PRDM7: variants seen among roughly 807,000 people sequenced by gnomAD.
The protein encoded by PRDM7 is PR/SET domain 7.
In PRDM7, 52 loss-of-function variants were observed where a neutral mutation model predicts 64.3. The observed-to-expected ratio is 0.81, with a 90% CI of 0.65 to 1.02. The LOEUF (loss-of-function observed/expected upper bound fraction) is 1.02. Ranked by LOEUF, PRDM7 falls within the 50% of genes least tolerant of loss-of-function variation. PRDM7 has a pLI of 0.00. For synonymous variants in PRDM7, 192 were observed against 210.1 expected (o/e 0.91, Z 0.74); for missense variants, 574 against 597.1 (o/e 0.96, Z 0.40).
chr16:90,073,005 T>G (rs1287638502), intron 4 of PRDM7, among the ~76,000 whole-genome samples: 5 of 152,130 alleles, frequency 3.3e-5, no homozygotes, highest in Non-Finnish European at 7.3e-5. Flanking sequence ...ACTTCTAAAC[T>G]CTCCTAACCA....
chr16:90,071,356 C>G (rs1271706442), intron 4 of PRDM7, among the ~76,000 whole-genome samples: 1 of 152,206 alleles, frequency 6.6e-6, no homozygotes, highest in Non-Finnish European at 1.5e-5. Flanking sequence ...GTCTCGAACT[C>G]CTGACCTTGT....
intron 1 of PRDM7, among the ~76,000 whole-genome samples, chr16:90,077,016 G>A (rs1479739625): frequency 1.3e-5 from 2 of 151,986 alleles, no homozygotes; most frequent in African/African-American, 4.8e-5. Context: ...GGGGATCTAA[G>A]CATTAGGAGA....
Position 90,062,411 on chromosome 16 carries a change from A to G in PRDM7, c.600T>C (p.Asp200=). 1 of 1,614,122 alleles carries G rather than the reference A, an allele frequency of 6.2e-7. No homozygotes were observed. The highest frequency in any genetic ancestry group is 8.5e-7 in the Non-Finnish European group (1 of 1,179,946). ...AYKEISEPQD[D]DYLYCEMCQN... ...GAAAGGGTCACTCACAGAGGTAGTC[A>G]TCATCCTGTGGCTCGCTGATCTCTT... The change falls in exon 7 of 11, where the codon GAT becomes GAC. Residue 200 remains aspartate, a synonymous_variant. Coordinates refer to ENST00000449207, the MANE Select transcript of PRDM7 (RefSeq NM_001098173.2).
chr16:90,057,866 T>G lies in PRDM7; in HGVS notation c.*423A>C, dbSNP rs1202602699. 6.6e-7 allele frequency: 1 copy of G among 1,509,302 alleles called. No individual in the cohort carries two copies. The highest frequency in any genetic ancestry group is 9.0e-7 in the Non-Finnish European group (1 of 1,107,882). The allele number at this position is 1,509,302 out of a possible 1,614,324, so 93.5% of individuals were successfully genotyped here. A position where few individuals can be genotyped will look rare whatever the true frequency, so the allele number is the denominator to read the frequency against. ...CTCATCCTTCCTGCAGACTGGGGCG[T>G]CTCCCCTGTGTGTCCTCTGGTGAAT... On this transcript the variant is annotated 3_prime_UTR_variant, in exon 11 of 11. Coordinates refer to ENST00000449207, the MANE Select transcript of PRDM7 (RefSeq NM_001098173.2).
At chr16:90,068,964 GTCTA>G (rs1240599790) in intron 4 of PRDM7, among the ~76,000 whole-genome samples, 1 of 151,212 alleles carries the variant, frequency 6.6e-6, no homozygotes, top group Admixed American at 6.6e-5. Flanking sequence ...TCAATGTCCT[GTCTA>G]TCAAAATGCC....
At position 90,067,374 on chromosome 16, in the gene PRDM7, C is replaced by G. The variant is rs550845267; in HGVS notation, c.302-464G>C. Among the ~76,000 whole-genome samples the G allele has an allele frequency of 4.3e-3, 651 of 151,130 alleles. 7 individuals carry two copies. Among genetic ancestry groups the G allele is most frequent in the Non-Finnish European group, 6.3e-3 (429 of 67,952 alleles). On this transcript the variant is annotated intron_variant, in intron 4 of 10. Coordinates refer to ENST00000449207, the MANE Select transcript of PRDM7 (RefSeq NM_001098173.2). ...ATGTTTTCTGAAGTATCATTAAGGC[C>G]TATGCTTCTATTGGGGGCATTGCTA... is the stretch of plus-strand genomic sequence containing the variant.
At chr16:90,065,525 A>G (rs1402548924) in intron 5 of PRDM7, among the ~76,000 whole-genome samples, 1 of 151,128 alleles carries the variant, frequency 6.6e-6, no homozygotes, top group East Asian at 1.9e-4. Flanking sequence ...GCTTGAGCCC[A>G]GGAGTTCAAG....
Position 90,062,008 on chromosome 16 carries a change from A to C in PRDM7, c.795T>G (p.Ser265=), listed in dbSNP as rs2037787005. The change falls in exon 8 of 11, where the codon TCT becomes TCG. Residue 265 remains serine (S), a synonymous_variant. Transcript: ENST00000449207. ...CAAAGTGCAGACCCAGTGGCAGATCAGATGCCTCGTTCCATACTCCAAGCC... is the reference window on the plus strand; with the variant it reads ...CAAAGTGCAGACCCAGTGGCAGATCCGATGCCTCGTTCCATACTCCAAGCC... ...QAGLGVWNEA[S]DLPLGLHFGP... is the part of the protein sequence containing the mutation. The C allele has an allele frequency of 1.2e-6, 2 of 1,614,142 alleles. No homozygotes were observed. Among genetic ancestry groups the C allele is most frequent in the Admixed American group, 3.3e-5 (2 of 60,010 alleles).
intron 4 of PRDM7, among the ~76,000 whole-genome samples, chr16:90,071,813 A>G (rs545153763): frequency 2.0e-4 from 30 of 152,374 alleles, no homozygotes; most frequent in Admixed American, 8.5e-4. Flanking sequence ...GACACTGTAA[A>G]AAAACAGTAT....
intron 4 of PRDM7, among the ~76,000 whole-genome samples, chr16:90,069,208 T>G (rs1233216194): frequency 6.6e-6 from 1 of 151,196 alleles, no homozygotes; most frequent in Non-Finnish European, 1.5e-5. Flanking sequence ...TAAACCCTCG[T>G]GTATATGGTC....
In PRDM7 at chr16:90,062,097, TG is replaced by T; in HGVS notation, c.705del (p.Asn236ThrfsTer11). 6.2e-7 allele frequency: 1 copy of T among 1,614,232 alleles called. No individual in the cohort carries two copies. Among genetic ancestry groups the T allele is most frequent in the Non-Finnish European group, 8.5e-7 (1 of 1,180,038 alleles). The stretch of plus-strand genomic sequence containing the variant: ...GGGGGCAGACTGAGGGCTGAACGGT[TG>T]GGATGCCCCTTGTCCACTGCACTGT... ...VKDSAVDKGH[P>X]NRSALSLPPG... On this transcript the variant is annotated frameshift_variant, in exon 8 of 11. Transcript: ENST00000449207. LOFTEE classifies it high-confidence loss of function.
rs570561712 is a variant in PRDM7, at chr16:90,067,889, C to T, written c.302-979G>A. Among the ~76,000 whole-genome samples, 12 of 151,240 alleles carry T rather than the reference C, an allele frequency of 7.9e-5. 1 individual carries two copies. The highest frequency in any genetic ancestry group is 2.2e-4 in the African/African-American group (9 of 40,684). On this transcript the variant is annotated intron_variant, in intron 4 of 10. Transcript: ENST00000449207. The stretch of plus-strand genomic sequence containing the variant: ...ACAGGCGTGAGCCACCGCGCCCAGC[C>T]GAAAAGCCAAATTTTTAACATCATA...
At chr16:90,072,523 G>T (rs2037975776) in intron 4 of PRDM7, among the ~76,000 whole-genome samples, 9 of 152,148 alleles carry the variant, frequency 5.9e-5, no homozygotes, top group Admixed American at 5.9e-4. Context: ...CGTATATGAG[G>T]TATCTAAAGT....
chr16:90,073,641 C>T (rs1271547982), intron 4 of PRDM7, among the ~76,000 whole-genome samples: 4 of 151,946 alleles, frequency 2.6e-5, no homozygotes, highest in Non-Finnish European at 4.4e-5. Context: ...CCTCATGATT[C>T]GCCTGCCTCG....
intron 5 of PRDM7, among the ~76,000 whole-genome samples, chr16:90,064,349 G>A (rs1308602807): frequency 2.0e-5 from 3 of 152,130 alleles, no homozygotes; most frequent in Non-Finnish European, 4.4e-5. Flanking sequence ...GAATAAGGGT[G>A]TATTGTTAGC....
chr16:90,075,114 G>T lies in PRDM7; in HGVS notation c.194-91C>A. The stretch of plus-strand genomic sequence containing the variant: ...CAATGGAAAGCACCACAAAGCCAGT[G>T]CTGCTCAGTCTGATGAGCTGGGAGA... On this transcript the variant is annotated intron_variant, in intron 3 of 10. Transcript: ENST00000449207. The surrounding 1 kb of genome is among the most constrained non-coding windows in gnomAD (Gnocchi z 4.3). The T allele has an allele frequency of 7.0e-7, 1 of 1,430,314 alleles. No homozygotes were observed. Among genetic ancestry groups the T allele is most frequent in the Non-Finnish European group, 9.8e-7 (1 of 1,021,456 alleles). 88.6% of individuals were successfully genotyped at this position (1,430,314 alleles called of 1,614,324 possible).
At chr16:90,061,174 G>C (rs980480148) in intron 9 of PRDM7, among the ~76,000 whole-genome samples, 11 of 152,128 alleles carry the variant, frequency 7.2e-5, no homozygotes, top group African/African-American at 2.4e-4. Flanking sequence ...AACAAATGTG[G>C]ATTACATAAA....
At chr16:90,059,459 G>T (rs930691618) in intron 10 of PRDM7, among the ~76,000 whole-genome samples, 1 of 152,238 alleles carries the variant, frequency 6.6e-6, no homozygotes, top group African/African-American at 2.4e-5. Context: ...GGAAACTGGA[G>T]CAGCTCTGAA....
chr16:90,075,447 T>C lies in PRDM7; in HGVS notation c.97A>G (p.Ile33Val). 1.2e-6 allele frequency: 2 copies of C among 1,614,226 alleles called. No homozygotes were observed. Among genetic ancestry groups the C allele is most frequent in the Non-Finnish European group, 1.7e-6 (2 of 1,180,044 alleles). The change falls in exon 3 of 11, where the codon ATA (isoleucine) becomes GTA (valine). Residue 33 changes from isoleucine to valine, a missense_variant. Ile to Val is a conservative substitution (Grantham distance 29, BLOSUM62 3). Transcript: ENST00000449207. The surrounding 1 kb of genome is among the most constrained non-coding windows in gnomAD (Gnocchi z 4.3). ...GCCCATTCTTCCTTGGTGAAGTATATGGAAATGTCTTTGAAGGCATCTTTG... is the reference window on the plus strand; with the variant it reads ...GCCCATTCTTCCTTGGTGAAGTATACGGAAATGTCTTTGAAGGCATCTTTG... ...MVKDAFKDIS[I>V]YFTKEEWAEM...
Sources: allele counts gnomAD v4.1 joint callset (sites outside exome capture counted in the v4.1 genomes callset), GRCh38; gene constraint gnomAD v4.1.1; non-coding constraint Gnocchi (gnomAD v3.1); transcripts MANE v1.5; gene names NCBI Gene and HGNC (gene_info 2026-07-23, HGNC 2026-07-21).